The following SNTG1 variants were observed in gnomAD, a reference collection of about 807,000 sequenced individuals.
SNTG1 encodes gamma-1-syntrophin.
Under a neutral mutation model 74.7 loss-of-function variants are expected in SNTG1, and 39 were observed. The ratio of observed to expected loss-of-function variants is 0.52; its 90% CI spans 0.40 to 0.68. The LOEUF (loss-of-function observed/expected upper bound fraction) is 0.68. SNTG1 is among the 30% of genes least tolerant of loss of function. The pLI is 0.00. For missense variants in SNTG1, 685 were observed against 609.5 expected, an observed-to-expected ratio of 1.12 and a Z score of -1.30; for synonymous variants, 254 against 217.1, an observed-to-expected ratio of 1.17 and a Z score of -1.49.
At chr8:50,583,889 A>T (rs2094628984) in intron 12 of SNTG1, among the ~76,000 whole-genome samples, 2 of 151,770 alleles carry the variant, frequency 1.3e-5, no homozygotes, top group Admixed American at 6.6e-5. Flanking sequence ...CCTCATTTAC[A>T]TTAGGTATAT....
In SNTG1 at chr8:50,166,772, G is replaced by T. The variant is rs1012095043; in HGVS notation, c.-102-5789G>T. Reference sequence around the variant, plus strand: ...TTTGACCCAGCCATCCCATTACTGGGTATATACCCAAAGGACTATAAATCA... The same window carrying T: ...TTTGACCCAGCCATCCCATTACTGGTTATATACCCAAAGGACTATAAATCA... On this transcript the variant is annotated intron_variant, in intron 1 of 18. Coordinates refer to ENST00000642720, the MANE Select transcript of SNTG1 (RefSeq NM_018967.5). Among the ~76,000 whole-genome samples, 6 of 139,902 alleles carry T rather than the reference G, an allele frequency of 4.3e-5. No individual in the cohort carries two copies. The South Asian group carries it at 7.3e-4, about 17-fold the overall frequency. 91.8% of individuals were successfully genotyped at this position (139,902 alleles called of 152,430 possible).
intron 9 of SNTG1, among the ~76,000 whole-genome samples, chr8:50,503,264 GA>G (rs1248857711): frequency 3.3e-5 from 5 of 152,036 alleles, no homozygotes; most frequent in African/African-American, 1.2e-4. Context: ...GAGAGAAGAT[GA>G]AAAAAAGCGT....
intron 11 of SNTG1, among the ~76,000 whole-genome samples, chr8:50,548,736 C>A: frequency 6.6e-6 from 1 of 152,038 alleles, no homozygotes; most frequent in African/African-American, 2.4e-5. Flanking sequence ...GGAAGAGATT[C>A]ATTCCAAATA....
At chr8:50,389,066 A>C (rs577760717) in intron 2 of SNTG1, among the ~76,000 whole-genome samples, 1 of 152,124 alleles carries the variant, frequency 6.6e-6, no homozygotes, top group East Asian at 1.9e-4. Flanking sequence ...TCTTGGGGAA[A>C]CTGTTCTCGT....
intron 15 of SNTG1, among the ~76,000 whole-genome samples, chr8:50,666,188 A>G (rs1181494258): frequency 6.6e-6 from 1 of 152,176 alleles, no homozygotes; most frequent in African/African-American, 2.4e-5. Flanking sequence ...GTCCTGAGAA[A>G]ATCTCCAACA....
At chr8:50,110,909 C>T (rs1242004323) in intron 1 of SNTG1, among the ~76,000 whole-genome samples, 1 of 152,120 alleles carries the variant, frequency 6.6e-6, no homozygotes, top group Admixed American at 6.6e-5. Context: ...ATTGGAATTT[C>T]AAATAACAAT....
rs370247153 is a variant in SNTG1, at chr8:50,394,285, C to T, written c.27+20C>T. 5.6e-6 allele frequency: 9 copies of T among 1,608,710 alleles called. No homozygotes were observed. The African/African-American group carries it at 1.2e-4, about 22-fold the overall frequency. Reference sequence around the variant, plus strand: ...GAGGAGGTGAGTACAGAGCTTTCTGCTTTTCAAACAGGGAAAACAGAATAT... The same window carrying T: ...GAGGAGGTGAGTACAGAGCTTTCTGTTTTTCAAACAGGGAAAACAGAATAT... On this transcript the variant is annotated intron_variant, in intron 3 of 18. Transcript: ENST00000642720.
rs575831378 is a variant in SNTG1 at position 50,548,492 on chromosome 8, T to C, written c.681-4558T>C. Reference sequence around the variant, plus strand: ...ATCTCAAGTTAGCAAAAGCAGGAGATTGCTAAAGTAAAGTGGAGATGGACT... The same window carrying C: ...ATCTCAAGTTAGCAAAAGCAGGAGACTGCTAAAGTAAAGTGGAGATGGACT... On this transcript the variant is annotated intron_variant, in intron 11 of 18. Coordinates refer to ENST00000642720, the MANE Select transcript of SNTG1 (RefSeq NM_018967.5). Among the ~76,000 whole-genome samples the C allele has an allele frequency of 1.5e-4, 23 of 152,234 alleles. No individual in the cohort carries two copies. In the South Asian group the frequency reaches 4.8e-3, roughly 32 times the overall value.
At chr8:50,003,965 T>C (rs1552316) in intron 1 of SNTG1, among the ~76,000 whole-genome samples, 81,038 of 152,002 alleles carry the variant, frequency 0.53, 24,473 homozygotes, top group East Asian at 0.8. Context: ...AATTTGCCAA[T>C]GATCCAAAGT....
At chr8:50,027,824 T>A (rs1424060842) in intron 1 of SNTG1, among the ~76,000 whole-genome samples, 1 of 152,200 alleles carries the variant, frequency 6.6e-6, no homozygotes, top group African/African-American at 2.4e-5. Flanking sequence ...GTACATTGAT[T>A]TTTGTTCACC....
chr8:50,716,119 A>T (rs1454455287), intron 17 of SNTG1, among the ~76,000 whole-genome samples: 1 of 152,116 alleles, frequency 6.6e-6, no homozygotes, highest in Non-Finnish European at 1.5e-5. Flanking sequence ...TTTATTACAC[A>T]TCTTTAGGCT....
chr8:50,413,518 G>A (rs530319614), intron 4 of SNTG1, among the ~76,000 whole-genome samples: 8 of 152,158 alleles, frequency 5.3e-5, no homozygotes, highest in East Asian at 1.9e-4. Context: ...GCCCATCCAC[G>A]CCCCATGGTA....
At chr8:50,103,620 G>T (rs1309367118) in intron 1 of SNTG1, among the ~76,000 whole-genome samples, 2 of 152,098 alleles carry the variant, frequency 1.3e-5, no homozygotes, top group African/African-American at 4.8e-5. Context: ...GGTGAGAGAG[G>T]GCATCCCTGT....
chr8:50,164,608 T>C (rs1442750752), intron 1 of SNTG1, among the ~76,000 whole-genome samples: 1 of 152,258 alleles, frequency 6.6e-6, no homozygotes, highest in Non-Finnish European at 1.5e-5. Context: ...TGTCATAATA[T>C]AAATTTCACT....
intron 1 of SNTG1, among the ~76,000 whole-genome samples, chr8:50,106,961 CTAAAT>C (rs2080396242): frequency 6.6e-6 from 1 of 152,164 alleles, no homozygotes; most frequent in East Asian, 1.9e-4. Flanking sequence ...ACTCTTGTTC[CTAAAT>C]TAAAGTTTTA....
intron 2 of SNTG1, among the ~76,000 whole-genome samples, chr8:50,344,896 T>TA (rs1226146891): frequency 6.6e-5 from 10 of 152,272 alleles, no homozygotes; most frequent in African/African-American, 1.7e-4. Flanking sequence ...ATGAGGTTCT[T>TA]AAAGTGGGCC....
intron 2 of SNTG1, among the ~76,000 whole-genome samples, chr8:50,391,353 G>T (rs1234901246): frequency 2.6e-5 from 4 of 152,240 alleles, no homozygotes; most frequent in South Asian, 4.1e-4. Flanking sequence ...CTTTGGTTCT[G>T]TTTATATGCT....
chr8:50,561,872 C>A (rs1456962930), intron 12 of SNTG1, among the ~76,000 whole-genome samples: 1 of 152,176 alleles, frequency 6.6e-6, no homozygotes, highest in Non-Finnish European at 1.5e-5. Flanking sequence ...GTCTCCCCAG[C>A]CTGAGCTGGA....
At chr8:50,402,683 C>T (rs887959463) in intron 4 of SNTG1, among the ~76,000 whole-genome samples, 1 of 152,106 alleles carries the variant, frequency 6.6e-6, no homozygotes, top group Non-Finnish European at 1.5e-5. Context: ...CTGGTCTTAT[C>T]TTTCATGACC....
Sources: gnomAD v4.1 joint callset for allele counts (sites outside exome capture counted in the v4.1 genomes callset) on GRCh38, gnomAD v4.1.1 for gene constraint, MANE v1.5 for transcripts, NCBI Gene and HGNC (gene_info 2026-07-23, HGNC 2026-07-21) for gene names.